The following DEPDC4 variants were observed in gnomAD, a reference collection of about 807,000 sequenced individuals.
DEPDC4 encodes the protein DEP domain-containing protein 4.
Under a neutral mutation model 52.0 loss-of-function variants are expected in DEPDC4, and 52 were observed. The ratio of observed to expected loss-of-function variants is 1.00; its 90% CI spans 0.80 to 1.26. The LOEUF (loss-of-function observed/expected upper bound fraction) is 1.26. Among genes scored for constraint, DEPDC4 ranks in the 50% most tolerant of loss-of-function variants. The probability of loss-of-function intolerance (pLI) is 0.00; values close to 1 mark genes in which losing one functional copy is unlikely to be tolerated. For synonymous variants in DEPDC4, 201 were observed against 196.8 expected (o/e 1.02, Z -0.18); for missense variants, 530 against 546.9 (o/e 0.97, Z 0.31).
upstream of DEPDC4, among the ~76,000 whole-genome samples, chr12:100,271,260 C>CAA (rs11354103): frequency 2.8e-3 from 230 of 83,038 alleles, no homozygotes; most frequent in Middle Eastern, 6.8e-3. Context: ...TGCAGAGCAG[C>CAA]AAAAAAAAAA....
the DEPDC4 span, among the ~76,000 whole-genome samples, chr12:100,273,895 C>T: frequency 0.013 from 1,938 of 152,238 alleles, 97 homozygotes; most frequent in Admixed American, 0.093. Context: ...ACAAGATGCA[C>T]GGCATTTAAT....
chr12:100,244,348 T>C (rs1056877841), intron 8 of DEPDC4, among the ~76,000 whole-genome samples: 37 of 150,452 alleles, frequency 2.5e-4, no homozygotes, highest in African/African-American at 8.5e-4. Context: ...GCCAGGCTAA[T>C]TTTTTTGTAT....
In DEPDC4 at chr12:100,253,530, T is replaced by A. The variant is rs1350574918; in HGVS notation, c.1064A>T (p.Asp355Val). Reference sequence around the variant, plus strand: ...TCCTGAATGAATATCAAAATACTCATCAGTTAATAGGCAATCTCTCTCTTG... The same window carrying A: ...TCCTGAATGAATATCAAAATACTCAACAGTTAATAGGCAATCTCTCTCTTG... ...YAQERDCLLT[D>V]EYFDIHSGII... is the part of the protein sequence containing the mutation. Residue 355 changes from aspartate to valine, a missense_variant, in exon 5 of 10, where the codon GAT becomes GTT. Physicochemically the swap from Asp to Val is radical, Grantham distance 152. Transcript: ENST00000550587. 3 of 1,286,768 alleles carry A rather than the reference T, an allele frequency of 2.3e-6. No homozygotes were observed. The highest frequency in any genetic ancestry group is 2.0e-6 in the Non-Finnish European group (2 of 987,062). 79.7% of individuals were successfully genotyped at this position (1,286,768 alleles called of 1,614,324 possible). A position where few individuals can be genotyped will look rare whatever the true frequency, so the allele number is the denominator to read the frequency against.
intron 9 of DEPDC4, among the ~76,000 whole-genome samples, chr12:100,233,470 TTC>T (rs1370651652): frequency 6.6e-6 from 1 of 152,170 alleles, no homozygotes; most frequent in Non-Finnish European, 1.5e-5. Flanking sequence ...TTGTATAGAG[TTC>T]TGTCTTCATA....
In DEPDC4 at chr12:100,258,868, C is replaced by T. The variant is rs925476434; in HGVS notation, c.701-2642G>A. Among the ~76,000 whole-genome samples the T allele has an allele frequency of 1.4e-4, 22 of 151,964 alleles. 1 individual carries two copies. The highest frequency in any genetic ancestry group is 7.9e-4 in the Admixed American group (12 of 15,242). On this transcript the variant is annotated intron_variant, in intron 3 of 9. Coordinates refer to ENST00000550587, the MANE Select transcript of DEPDC4 (RefSeq NM_001364818.2). Reference sequence around the variant, plus strand: ...GTCAGATTGCTCGAGGCCAAAAGTTCGAGACCAGCCTGACCAACATGGTGA... The same window carrying T: ...GTCAGATTGCTCGAGGCCAAAAGTTTGAGACCAGCCTGACCAACATGGTGA...
At chr12:100,277,921 A>G in the DEPDC4 span, among the ~76,000 whole-genome samples, 1 of 152,072 alleles carries the variant, frequency 6.6e-6, no homozygotes, top group African/African-American at 2.4e-5. Flanking sequence ...TCTACAGTAT[A>G]TATCTTTTAA....
chr12:100,250,817 T>C (rs1307564678), intron 7 of DEPDC4, among the ~76,000 whole-genome samples: 2 of 152,178 alleles, frequency 1.3e-5, no homozygotes, highest in East Asian at 3.8e-4. Flanking sequence ...GACTGTAGCA[T>C]AAAACATTTA....
upstream of DEPDC4, chr12:100,267,186 C>T (rs369842431): frequency 1.1e-3 from 1,281 of 1,218,254 alleles, 15 homozygotes; most frequent in African/African-American, 0.017. Context: ...TAGTCTTTTT[C>T]CCCCTCCCTT....
chr12:100,232,768 A>C (rs2096136482), intron 9 of DEPDC4, among the ~76,000 whole-genome samples: 1 of 152,284 alleles, frequency 6.6e-6, no homozygotes, highest in African/African-American at 2.4e-5. Flanking sequence ...CTGTAATCCC[A>C]GCTACTTGGG....
chr12:100,279,989 T>C, the DEPDC4 span, among the ~76,000 whole-genome samples: 1 of 152,350 alleles, frequency 6.6e-6, no homozygotes, highest in Non-Finnish European at 1.5e-5. Flanking sequence ...TGCCAGTTTG[T>C]CCCTCCAGCT....
At chr12:100,250,964 A>G (rs2096205175) in intron 7 of DEPDC4, among the ~76,000 whole-genome samples, 2 of 152,186 alleles carry the variant, frequency 1.3e-5, no homozygotes, top group Non-Finnish European at 2.9e-5. Flanking sequence ...ACATTTTTTA[A>G]TGTTTAATGT....
intron 7 of DEPDC4, among the ~76,000 whole-genome samples, chr12:100,250,097 A>G (rs768329865): frequency 1.4e-4 from 21 of 152,224 alleles, no homozygotes; most frequent in Middle Eastern, 3.4e-3. Flanking sequence ...TCAGCCTCTA[A>G]TCTCTAGAAA....
Position 100,263,499 on chromosome 12 carries a change from C to T in DEPDC4, c.552G>A (p.Leu184=), listed in dbSNP as rs373619166. Residue 184 remains leucine (L), a splice_region_variant and synonymous_variant, in exon 2 of 10, where the codon TTG becomes TTA. Coordinates refer to ENST00000550587, the MANE Select transcript of DEPDC4 (RefSeq NM_001364818.2). ...ACAGTATCTTAGGTAACACTAACCT[C>T]AAGGTTTCATTGAACTCATTCTCAG... ...KDAENEFNET[L]RPGYEMISNP... 29 of 1,575,680 alleles carry T rather than the reference C, an allele frequency of 1.8e-5. No homozygotes were observed. Among genetic ancestry groups the T allele is most frequent in the African/African-American group, 1.4e-5 (1 of 73,160 alleles).
chr12:100,235,840 T>C (rs1004137603), downstream of DEPDC4, among the ~76,000 whole-genome samples: 1 of 152,142 alleles, frequency 6.6e-6, no homozygotes, highest in Non-Finnish European at 1.5e-5. Context: ...TCCCAGAGTG[T>C]TGGGATTACA....
chr12:100,267,178 G>C (rs1177831657), upstream of DEPDC4: 7 of 1,303,070 alleles, frequency 5.4e-6, no homozygotes, highest in African/African-American at 1.5e-5. Context: ...AGGTCTTTTA[G>C]TCTTTTTCCC....
chr12:100,257,241 C>T (rs1213392726), intron 3 of DEPDC4, among the ~76,000 whole-genome samples: 4 of 152,020 alleles, frequency 2.6e-5, no homozygotes, highest in Non-Finnish European at 5.9e-5. Flanking sequence ...CCCTGCCAGA[C>T]TAATTTTTGT....
intron 3 of DEPDC4, among the ~76,000 whole-genome samples, chr12:100,260,715 A>G (rs1222247588): frequency 1.3e-5 from 2 of 149,378 alleles, no homozygotes; most frequent in African/African-American, 4.9e-5. Context: ...ATCTCTACTA[A>G]TAATACAAAA....
At chr12:100,255,207 T>A (rs1238021496) in intron 4 of DEPDC4, among the ~76,000 whole-genome samples, 3 of 152,262 alleles carry the variant, frequency 2.0e-5, no homozygotes, top group Non-Finnish European at 2.9e-5. Context: ...GCTGTGAGTT[T>A]CCTGCAGCGG....
At position 100,241,229 on chromosome 12, in the gene DEPDC4, A is replaced by C. The variant is rs2153904310; in HGVS notation, c.*663T>G. Among the ~76,000 whole-genome samples, 1 of 152,338 alleles carries C rather than the reference A, an allele frequency of 6.6e-6. No homozygotes were observed. Among genetic ancestry groups the C allele is most frequent in the Admixed American group, 6.5e-5 (1 of 15,296 alleles). Reference sequence around the variant, plus strand: ...ATGAAAAGCTCCTTTCCTGTGGAAAAAAAAGGAAATTAACTGTACTAGATC... The same window carrying C: ...ATGAAAAGCTCCTTTCCTGTGGAAACAAAAGGAAATTAACTGTACTAGATC... On this transcript the variant is annotated 3_prime_UTR_variant, in exon 10 of 10. Coordinates refer to ENST00000550587, the MANE Select transcript of DEPDC4 (RefSeq NM_001364818.2).
Sources: allele counts gnomAD v4.1 joint callset (sites outside exome capture counted in the v4.1 genomes callset), GRCh38; gene constraint gnomAD v4.1.1; transcripts MANE v1.5; gene names NCBI Gene and HGNC (gene_info 2026-07-23, HGNC 2026-07-21).